Variants in KHDRBS2 observed in about 807,000 individuals in gnomAD.
The protein encoded by KHDRBS2 is KH domain-containing, RNA-binding, signal transduction-associated protein 2.
KHDRBS2 carries 26 observed loss-of-function variants against 44.3 expected under a neutral mutation model. The observed-to-expected ratio is 0.59, with a 90% confidence interval of 0.43 to 0.81. KHDRBS2 has a LOEUF of 0.81. Among genes scored for constraint, KHDRBS2 ranks in the 40% least tolerant of loss-of-function variants. The probability of loss-of-function intolerance (pLI) is 0.00; values close to 1 mark genes in which losing one functional copy is unlikely to be tolerated. For synonymous variants in KHDRBS2, 194 were observed against 151.1 expected (o/e 1.28, Z -2.08); for missense variants, 476 against 433.1 (o/e 1.10, Z -0.88).
At chr6:61,572,792 CA>C in the KHDRBS2 span, among the ~76,000 whole-genome samples, 1 of 152,018 alleles carries the variant, frequency 6.6e-6, no homozygotes, top group Non-Finnish European at 1.5e-5. Context: ...AAGCCCTCAG[CA>C]AAATTGGCAC....
At chr6:62,134,770 T>G (rs1206060823) in intron 2 of KHDRBS2, among the ~76,000 whole-genome samples, 1 of 152,160 alleles carries the variant, frequency 6.6e-6, no homozygotes, top group Non-Finnish European at 1.5e-5. Flanking sequence ...AGATAATTGC[T>G]TTAAGATTTG....
intron 2 of KHDRBS2, among the ~76,000 whole-genome samples, chr6:62,104,002 G>C (rs1225570770): frequency 2.0e-5 from 3 of 151,968 alleles, no homozygotes; most frequent in Non-Finnish European, 2.9e-5. Context: ...TGATACCAGA[G>C]GGAAATACAG....
intron 2 of KHDRBS2, among the ~76,000 whole-genome samples, chr6:62,122,052 A>G (rs1475555756): frequency 6.6e-6 from 1 of 152,082 alleles, no homozygotes; most frequent in Non-Finnish European, 1.5e-5. Flanking sequence ...CCATTTATCT[A>G]GTGACCCGAA....
the KHDRBS2 span, among the ~76,000 whole-genome samples, chr6:61,628,574 A>C: frequency 6.6e-6 from 1 of 152,034 alleles, no homozygotes; most frequent in South Asian, 2.1e-4. Flanking sequence ...ACTCTCAAAC[A>C]CTATGGATCC....
the KHDRBS2 span, among the ~76,000 whole-genome samples, chr6:61,612,838 C>A: frequency 1.6e-5 from 2 of 125,732 alleles, no homozygotes; most frequent in African/African-American, 6.2e-5. Flanking sequence ...CAAAATGCAG[C>A]CTTTTTTTTT....
intron 6 of KHDRBS2, among the ~76,000 whole-genome samples, chr6:61,865,620 C>T (rs1362954435): frequency 6.6e-6 from 1 of 152,126 alleles, no homozygotes; most frequent in Non-Finnish European, 1.5e-5. Context: ...CATCAATCCA[C>T]CCCTCGTCCC....
At chr6:62,109,827 G>GA (rs913880082) in intron 2 of KHDRBS2, among the ~76,000 whole-genome samples, 3 of 147,940 alleles carry the variant, frequency 2.0e-5, no homozygotes, top group Admixed American at 2.0e-4. Context: ...AGAAGGAAAG[G>GA]AAAAATAAAA....
intron 2 of KHDRBS2, among the ~76,000 whole-genome samples, chr6:62,078,626 C>T (rs1201059906): frequency 6.6e-6 from 1 of 151,758 alleles, no homozygotes; most frequent in Admixed American, 6.6e-5. Flanking sequence ...ATTATTTATA[C>T]CATTGAAGTC....
chr6:61,993,470 A>C (rs2127251070), intron 3 of KHDRBS2, among the ~76,000 whole-genome samples: 1 of 151,798 alleles, frequency 6.6e-6, no homozygotes, highest in Non-Finnish European at 1.5e-5. Context: ...AAAAATATTA[A>C]TAGAGTCTGC....
At chr6:61,758,486 A>G (rs1449388334) in intron 6 of KHDRBS2, among the ~76,000 whole-genome samples, 2 of 151,872 alleles carry the variant, frequency 1.3e-5, no homozygotes, top group African/African-American at 2.4e-5. Flanking sequence ...ACAGTATTTT[A>G]TATGCATTAA....
chr6:61,979,465 G>T (rs978966142), intron 3 of KHDRBS2, among the ~76,000 whole-genome samples: 1 of 152,068 alleles, frequency 6.6e-6, no homozygotes, highest in Non-Finnish European at 1.5e-5. Context: ...GATGTCATGT[G>T]AGTTAACTGT....
intron 4 of KHDRBS2, among the ~76,000 whole-genome samples, chr6:61,961,127 T>C (rs1768611705): frequency 6.6e-6 from 1 of 152,074 alleles, no homozygotes; most frequent in African/African-American, 2.4e-5. Flanking sequence ...AAAGTGAGCA[T>C]TATATATCCT....
At chr6:62,071,480 C>T (rs1331863356) in intron 2 of KHDRBS2, among the ~76,000 whole-genome samples, 1 of 152,160 alleles carries the variant, frequency 6.6e-6, no homozygotes, top group Admixed American at 6.5e-5. Context: ...TTAGGTCTAA[C>T]ATTTAAGTCT....
chr6:61,962,058 A>G (rs192596026), intron 4 of KHDRBS2, among the ~76,000 whole-genome samples: 1 of 152,122 alleles, frequency 6.6e-6, no homozygotes, highest in Non-Finnish European at 1.5e-5. Context: ...GTAATGCATG[A>G]ATGAATTGAT....
At chr6:62,161,467 G>A (rs1817602631) in intron 2 of KHDRBS2, among the ~76,000 whole-genome samples, 1 of 148,070 alleles carries the variant, frequency 6.8e-6, no homozygotes. Flanking sequence ...GTTATTATGA[G>A]TAACCTAGAT....
At chr6:61,672,838 C>A in the KHDRBS2 span, among the ~76,000 whole-genome samples, 1 of 150,130 alleles carries the variant, frequency 6.7e-6, no homozygotes, top group African/African-American at 2.4e-5. Flanking sequence ...TGTGCAGAAG[C>A]TCTTTAGTTT....
intron 1 of KHDRBS2, among the ~76,000 whole-genome samples, chr6:62,203,621 C>A (rs1827415769): frequency 6.6e-6 from 1 of 151,950 alleles, no homozygotes; most frequent in Non-Finnish European, 1.5e-5. Context: ...TTTGAAGCAT[C>A]CATATGAGGT....
intron 4 of KHDRBS2, among the ~76,000 whole-genome samples, chr6:61,954,371 G>GCA (rs1562509344): frequency 4.0e-4 from 20 of 49,480 alleles, no homozygotes; most frequent in African/African-American, 9.2e-4. Context: ...ACATATATAC[G>GCA]TATGTATGCA....
At chr6:61,797,725 T>TTGTGTGTGTGTGTGTGTG (rs56038952) in intron 6 of KHDRBS2, among the ~76,000 whole-genome samples, 5 of 114,750 alleles carry the variant, frequency 4.4e-5, no homozygotes, top group Non-Finnish European at 1.0e-4. Context: ...GTATGGTGTT[T>TTGTGTGTGTGTGTGTGTG]TGTGTGTGTG....
Sources: gnomAD v4.1 joint callset for allele counts (sites outside exome capture counted in the v4.1 genomes callset) on GRCh38, gnomAD v4.1.1 for gene constraint, MANE v1.5 for transcripts, NCBI Gene and HGNC (gene_info 2026-07-23, HGNC 2026-07-21) for gene names.